Variants in ATRN observed in about 807,000 individuals in gnomAD.
The protein encoded by ATRN is attractin.
A neutral mutation model predicts 178.7 loss-of-function variants in ATRN; 54 were observed. The observed-to-expected ratio is 0.30, with a 90% confidence interval of 0.24 to 0.38. The LOEUF (loss-of-function observed/expected upper bound fraction) is 0.38. Among genes scored for constraint, ATRN ranks in the 10% least tolerant of loss-of-function variants. ATRN has a pLI of 1.00. For missense variants in ATRN, 1,443 were observed against 1,815.1 expected, an observed-to-expected ratio of 0.79 and a Z score of 3.73; for synonymous variants, 636 against 663.0, an observed-to-expected ratio of 0.96 and a Z score of 0.63.
intron 1 of ATRN, among the ~76,000 whole-genome samples, chr20:3,510,425 TTATC>T (rs1314381400): frequency 6.6e-6 from 1 of 152,192 alleles, no homozygotes; most frequent in Non-Finnish European, 1.5e-5. Context: ...CAGGAAAACT[TTATC>T]TGTATAAGCA....
rs749333625 is a variant in ATRN at position 3,584,641 on chromosome 20, T to A, written c.2951-6T>A. The A allele has an allele frequency of 3.8e-6, 6 of 1,594,588 alleles. No homozygotes were observed. The highest frequency in any genetic ancestry group is 5.1e-6 in the Non-Finnish European group (6 of 1,170,204). On this transcript the variant is annotated splice_region_variant and splice_polypyrimidine_tract_variant and intron_variant, in intron 17 of 28. Transcript: ENST00000262919. The stretch of plus-strand genomic sequence containing the variant: ...ATAGTCAATTGCAACTTTTTTTTTT[T>A]AATAGCTGAAAATTGTTCAGGCTAC...
At chr20:3,574,442 G>A (rs2086175136) in intron 12 of ATRN, among the ~76,000 whole-genome samples, 1 of 152,190 alleles carries the variant, frequency 6.6e-6, no homozygotes, top group South Asian at 2.1e-4. Flanking sequence ...TTGAGCCCAG[G>A]ACGTTGAGGC....
intron 25 of ATRN, among the ~76,000 whole-genome samples, chr20:3,631,418 A>G (rs1385491973): frequency 6.6e-6 from 1 of 152,214 alleles, no homozygotes; most frequent in African/African-American, 2.4e-5. Flanking sequence ...GTTAGAAAAA[A>G]TATTTCCAGA....
intron 1 of ATRN, among the ~76,000 whole-genome samples, chr20:3,507,609 A>G (rs1017562228): frequency 1.3e-5 from 2 of 152,146 alleles, no homozygotes; most frequent in African/African-American, 4.8e-5. Flanking sequence ...CTGCCAATTC[A>G]GGAAATGCAA....
intron 24 of ATRN, among the ~76,000 whole-genome samples, chr20:3,609,339 G>A (rs931018469): frequency 6.6e-6 from 1 of 152,010 alleles, no homozygotes; most frequent in Non-Finnish European, 1.5e-5. Flanking sequence ...TTGCTAGTTC[G>A]TTGCTCCTAT....
At position 3,556,002 on chromosome 20, in the gene ATRN, A is replaced by G. The variant is rs2085871330; in HGVS notation, c.1113-3391A>G. Among the ~76,000 whole-genome samples, 3 of 152,372 alleles carry G rather than the reference A, an allele frequency of 2.0e-5. No homozygotes were observed. The South Asian group carries it at 6.2e-4, about 32-fold the overall frequency. The stretch of plus-strand genomic sequence containing the variant: ...GAATTTGAGTTCAGAAAAACAAGCT[A>G]GAAGACAAGATGATAATAACAGAAG... On this transcript the variant is annotated intron_variant, in intron 6 of 28. Coordinates refer to ENST00000262919, the MANE Select transcript of ATRN (RefSeq NM_139321.3).
At chr20:3,562,579 A>G (rs761382687) in intron 9 of ATRN, 120 bp downstream of exon 9, 13 of 932,286 alleles carry the variant, frequency 1.4e-5, no homozygotes, top group Non-Finnish European at 1.9e-5. Context: ...TCGGCATTAT[A>G]TATAGAGAAA....
Position 3,591,286 on chromosome 20 carries a change from C to T in ATRN, c.3302C>T (p.Thr1101Ile). Residue 1101 changes from threonine to isoleucine, a missense_variant, in exon 19 of 29, where the codon ACC (threonine) becomes ATC (isoleucine). Physicochemically the swap from Thr to Ile is moderately conservative, Grantham distance 89. Transcript: ENST00000262919. Reference protein sequence around the residue: ...TCISGFYGDPTNGGKCQPCKC... With the variant: ...TCISGFYGDPINGGKCQPCKC... ...ATATCTGGCTTCTACGGTGATCCCA[C>T]CAATGGAGGGAAATGTCAGCGTAAG... The T allele has an allele frequency of 1.9e-6, 3 of 1,613,914 alleles. No homozygotes were observed. Among genetic ancestry groups the T allele is most frequent in the Non-Finnish European group, 2.5e-6 (3 of 1,179,880 alleles).
chr20:3,490,160 A>G (rs2084766478), intron 1 of ATRN: 18 of 1,501,562 alleles, frequency 1.2e-5, no homozygotes, highest in Non-Finnish European at 1.7e-5. Context: ...TTCCTTTGGT[A>G]CTGAATAGTC....
Position 3,639,253 on chromosome 20 carries a change from TTTTG to T in ATRN, c.4050+335_4050+338del, listed in dbSNP as rs149653690. ...TACATTGAACATCGAATCATTGTTTTTTTGTTTGTTTGTTTGTTTGAGACAGAGT... is the reference window on the plus strand; with the variant it reads ...TACATTGAACATCGAATCATTGTTTTTTTGTTTGTTTGTTTGAGACAGAGT... On this transcript the variant is annotated intron_variant, in intron 27 of 28. Coordinates refer to ENST00000262919, the MANE Select transcript of ATRN (RefSeq NM_139321.3). Among the ~76,000 whole-genome samples, 1,328 of 152,082 alleles carry T rather than the reference TTTTG, an allele frequency of 8.7e-3. 20 individuals are homozygous for T. Among genetic ancestry groups the T allele is most frequent in the African/African-American group, 0.028 (1,150 of 41,408 alleles).
rs1300018156 is a variant in ATRN at position 3,578,777 on chromosome 20, G to A, written c.2544+5G>A. On this transcript the variant is annotated splice_donor_5th_base_variant and intron_variant, in intron 15 of 28. Coordinates refer to ENST00000262919, the MANE Select transcript of ATRN (RefSeq NM_139321.3). ...ATGCAGTCATCTCAGAGCATGGTGA[G>A]TTAAAATCCTCAAAACTTAAGTTTC... The A allele has an allele frequency of 6.2e-7, 1 of 1,603,510 alleles. No homozygotes were observed. The highest frequency in any genetic ancestry group is 1.1e-5 in the South Asian group (1 of 89,032).
At chr20:3,500,369 A>C (rs1478920316) in intron 1 of ATRN, among the ~76,000 whole-genome samples, 1 of 152,178 alleles carries the variant, frequency 6.6e-6, no homozygotes. Flanking sequence ...TCATGCTGCT[A>C]TAAAGACACA....
chr20:3,579,223 C>T (rs2086250028), intron 15 of ATRN, among the ~76,000 whole-genome samples: 1 of 152,144 alleles, frequency 6.6e-6, no homozygotes, highest in African/African-American at 2.4e-5. Context: ...TGGTGGCTCA[C>T]ACCTGTAATC....
intron 11 of ATRN, among the ~76,000 whole-genome samples, chr20:3,567,151 C>G (rs928016837): frequency 6.6e-6 from 1 of 152,152 alleles, no homozygotes; most frequent in East Asian, 1.9e-4. Context: ...TAATCTTGAA[C>G]TTCCTCAGTA....
intron 1 of ATRN, among the ~76,000 whole-genome samples, chr20:3,485,364 G>A (rs1328654278): frequency 6.6e-6 from 1 of 152,002 alleles, no homozygotes; most frequent in Non-Finnish European, 1.5e-5. Flanking sequence ...TATTATCAAT[G>A]TAGGACATTG....
At chr20:3,589,364 A>T in intron 18 of ATRN, among the ~76,000 whole-genome samples, 1 of 146,860 alleles carries the variant, frequency 6.8e-6, no homozygotes, top group South Asian at 2.1e-4. Flanking sequence ...CCTGTTAACG[A>T]TTTTTTTTTC....
intron 1 of ATRN, among the ~76,000 whole-genome samples, chr20:3,525,007 A>G (rs956965597): frequency 2.0e-5 from 3 of 152,220 alleles, no homozygotes; most frequent in African/African-American, 4.8e-5. Flanking sequence ...CTAGAGAAGC[A>G]AGAGCAAACA....
intron 15 of ATRN, among the ~76,000 whole-genome samples, chr20:3,580,211 G>C (rs1357366735): frequency 2.6e-5 from 4 of 152,118 alleles, no homozygotes; most frequent in Non-Finnish European, 5.9e-5. Flanking sequence ...CTCAGAAAAT[G>C]GATGGCACCC....
chr20:3,627,626 A>G (rs2086952937), intron 25 of ATRN, among the ~76,000 whole-genome samples: 1 of 152,210 alleles, frequency 6.6e-6, no homozygotes, highest in Admixed American at 6.5e-5. Context: ...GTCAGAAATA[A>G]AAAAGGGGGC....
Sources: allele counts gnomAD v4.1 joint callset (sites outside exome capture counted in the v4.1 genomes callset), GRCh38; gene constraint gnomAD v4.1.1; transcripts MANE v1.5; gene names NCBI Gene and HGNC (gene_info 2026-07-23, HGNC 2026-07-21).